The following NKAIN2 variants were observed in gnomAD, a reference collection of about 807,000 sequenced individuals.
NKAIN2 encodes sodium/potassium transporting ATPase interacting 2.
Under a neutral mutation model 32.6 loss-of-function variants are expected in NKAIN2, and 14 were observed. That is an observed-to-expected ratio of 0.43 (90% CI 0.28 to 0.67). The LOEUF (loss-of-function observed/expected upper bound fraction) is 0.67, where lower values mean the gene tolerates loss of function less well. Ranked by LOEUF, NKAIN2 falls within the 30% of genes least tolerant of loss-of-function variation. The pLI is 0.17. For synonymous variants in NKAIN2, 80 were observed against 87.2 expected (o/e 0.92, Z 0.46); for missense variants, 198 against 258.3 (o/e 0.77, Z 1.60).
chr6:124,577,742 C>T (rs758551428), intron 3 of NKAIN2, among the ~76,000 whole-genome samples: 1 of 152,156 alleles, frequency 6.6e-6, no homozygotes, highest in Non-Finnish European at 1.5e-5. Flanking sequence ...CAAGGGAGTA[C>T]TTGCACCACC....
At chr6:124,750,495 A>AGATGGATGGATG (rs56937918) in intron 4 of NKAIN2, among the ~76,000 whole-genome samples, 12 of 149,656 alleles carry the variant, frequency 8.0e-5, no homozygotes, top group South Asian at 2.1e-4. Flanking sequence ...CTGGAGGAAG[A>AGATGGATGGATG]GATGGATGGA....
chr6:124,707,526 T>C (rs1775157978), intron 4 of NKAIN2, among the ~76,000 whole-genome samples: 1 of 134,564 alleles, frequency 7.4e-6, no homozygotes. Context: ...TTTTAATGAT[T>C]GCCATTTTAA....
intron 3 of NKAIN2, among the ~76,000 whole-genome samples, chr6:124,450,836 T>G (rs573023780): frequency 6.6e-6 from 1 of 152,184 alleles, no homozygotes; most frequent in East Asian, 1.9e-4. Flanking sequence ...AATAGTTTTC[T>G]TTTCCTTTTT....
intron 1 of NKAIN2, among the ~76,000 whole-genome samples, chr6:123,811,833 G>A (rs1315789560): frequency 6.6e-6 from 1 of 151,890 alleles, no homozygotes; most frequent in Non-Finnish European, 1.5e-5. Flanking sequence ...TAAATTTTGT[G>A]AGGCTTTATA....
At chr6:123,843,895 G>A (rs1258899219) in intron 1 of NKAIN2, among the ~76,000 whole-genome samples, 1 of 152,144 alleles carries the variant, frequency 6.6e-6, no homozygotes, top group Non-Finnish European at 1.5e-5. Context: ...ATAGGTGATA[G>A]CCTGTGACAA....
chr6:124,168,050 A>G (rs1788658209), intron 1 of NKAIN2, among the ~76,000 whole-genome samples: 1 of 152,186 alleles, frequency 6.6e-6, no homozygotes, highest in African/African-American at 2.4e-5. Flanking sequence ...ATGCCACATT[A>G]TTTGTCATTA....
At chr6:123,838,685 TGGAG>T (rs1485446661) in intron 1 of NKAIN2, among the ~76,000 whole-genome samples, 1 of 152,180 alleles carries the variant, frequency 6.6e-6, no homozygotes, top group Non-Finnish European at 1.5e-5. Flanking sequence ...ACACAACTCT[TGGAG>T]GGATCATTAT....
chr6:124,595,736 T>C (rs1332656019), intron 3 of NKAIN2, among the ~76,000 whole-genome samples: 1 of 152,216 alleles, frequency 6.6e-6, no homozygotes, highest in African/African-American at 2.4e-5. Flanking sequence ...ACATTGTGAA[T>C]TACTTATTGA....
At chr6:123,848,194 G>A (rs1472494508) in intron 1 of NKAIN2, among the ~76,000 whole-genome samples, 1 of 152,126 alleles carries the variant, frequency 6.6e-6, no homozygotes, top group East Asian at 1.9e-4. Flanking sequence ...ACCTGTACTG[G>A]AGCCTAGAGC....
At chr6:124,729,929 A>G (rs1009508589) in intron 4 of NKAIN2, among the ~76,000 whole-genome samples, 1 of 150,220 alleles carries the variant, frequency 6.7e-6, no homozygotes, top group African/African-American at 2.4e-5. Flanking sequence ...ACAAACAGAG[A>G]GCCAAATCAT....
chr6:124,474,279 GT>G lies in NKAIN2; in HGVS notation c.273+118938del, dbSNP rs1206221602. On this transcript the variant is annotated intron_variant, in intron 3 of 6. Coordinates refer to ENST00000368417, the MANE Select transcript of NKAIN2 (RefSeq NM_001040214.3). Reference sequence around the variant, plus strand: ...TTTTCCCCTTTGTAAGTGACATTAAGTTTTTTATCACAAAGAAGGAAAAGGA... The same window carrying G: ...TTTTCCCCTTTGTAAGTGACATTAAGTTTTTATCACAAAGAAGGAAAAGGA... Among the ~76,000 whole-genome samples, 3 of 152,046 alleles carry G rather than the reference GT, an allele frequency of 2.0e-5. No individual in the cohort carries two copies. The East Asian group carries it at 5.8e-4, about 29-fold the overall frequency.
chr6:124,570,888 C>T (rs1781102015), intron 3 of NKAIN2, among the ~76,000 whole-genome samples: 1 of 152,188 alleles, frequency 6.6e-6, no homozygotes, highest in Non-Finnish European at 1.5e-5. Flanking sequence ...AAGCTGCAGA[C>T]ACTCAACACC....
At chr6:124,145,014 G>A (rs560959421) in intron 1 of NKAIN2, among the ~76,000 whole-genome samples, 17 of 152,244 alleles carry the variant, frequency 1.1e-4, no homozygotes, top group African/African-American at 3.9e-4. Context: ...TGTCAGAGAA[G>A]CACATGAAAA....
chr6:124,757,265 T>G (rs952026492), intron 4 of NKAIN2, among the ~76,000 whole-genome samples: 27 of 152,188 alleles, frequency 1.8e-4, no homozygotes, highest in Non-Finnish European at 4.0e-4. Flanking sequence ...TTTTCCCACA[T>G]TTCCTTTTGT....
chr6:124,349,313 C>T (rs942653768), intron 2 of NKAIN2, among the ~76,000 whole-genome samples: 10 of 152,210 alleles, frequency 6.6e-5, no homozygotes, highest in African/African-American at 2.2e-4. Flanking sequence ...AAGGCGGGAA[C>T]TTCCCGAGGC....
At chr6:124,435,380 A>G (rs1775397549) in intron 3 of NKAIN2, among the ~76,000 whole-genome samples, 1 of 152,106 alleles carries the variant, frequency 6.6e-6, no homozygotes, top group South Asian at 2.1e-4. Flanking sequence ...AAGAAAGGAA[A>G]ATTACGGTTG....
intron 2 of NKAIN2, among the ~76,000 whole-genome samples, chr6:124,310,860 G>A (rs748575863): frequency 2.6e-5 from 4 of 152,084 alleles, no homozygotes; most frequent in Non-Finnish European, 4.4e-5. Context: ...AAGGCAGCGT[G>A]GTAAGGTGGA....
intron 1 of NKAIN2, among the ~76,000 whole-genome samples, chr6:123,866,556 G>C (rs562228557): frequency 1.3e-4 from 19 of 151,934 alleles, no homozygotes; most frequent in Non-Finnish European, 2.5e-4. Context: ...TCAGCCTCCC[G>C]AGTAGCTGGG....
At chr6:124,666,746 T>A (rs1467152558) in intron 4 of NKAIN2, among the ~76,000 whole-genome samples, 3 of 152,026 alleles carry the variant, frequency 2.0e-5, no homozygotes, top group East Asian at 1.9e-4. Flanking sequence ...CGTTTAAGAT[T>A]TTTTTTTGCT....
Sources: allele counts gnomAD v4.1 joint callset (sites outside exome capture counted in the v4.1 genomes callset), GRCh38; gene constraint gnomAD v4.1.1; transcripts MANE v1.5; gene names NCBI Gene and HGNC (gene_info 2026-07-23, HGNC 2026-07-21).